The following PRKN variants were observed in gnomAD, a reference collection of about 807,000 sequenced individuals.
The protein encoded by PRKN is E3 ubiquitin-protein ligase parkin.
In PRKN, 56 loss-of-function variants were observed where a neutral mutation model predicts 59.5. The observed-to-expected ratio is 0.94, with a 90% CI of 0.76 to 1.18. The LOEUF (loss-of-function observed/expected upper bound fraction) is 1.18. PRKN is among the 50% of genes most tolerant of loss of function. PRKN has a pLI of 0.00. For missense variants in PRKN, 657 were observed against 596.4 expected (o/e 1.10, Z -1.06); for synonymous variants, 250 against 222.1 (o/e 1.13, Z -1.12).
intron 5 of PRKN, among the ~76,000 whole-genome samples, chr6:162,012,765 T>C (rs1454292406): frequency 6.6e-6 from 1 of 152,102 alleles, no homozygotes; most frequent in East Asian, 1.9e-4. Flanking sequence ...AGTCCCTCAA[T>C]CTCTCTCTCA....
At position 162,640,971 on chromosome 6, in the gene PRKN, A is replaced by T. The variant is rs138979010; in HGVS notation, c.7+86691T>A. 1.1e-3 allele frequency among the ~76,000 whole-genome samples: 173 copies of T among 152,300 alleles called. 2 individuals carry two copies. The highest frequency in any genetic ancestry group is 3.4e-3 in the Middle Eastern group (1 of 294). Reference sequence around the variant, plus strand: ...GAACAGTATTATCACAGCAGGCAAGAGTAAATTTCTTTTTTGGGATAGAGG... The same window carrying T: ...GAACAGTATTATCACAGCAGGCAAGTGTAAATTTCTTTTTTGGGATAGAGG... On this transcript the variant is annotated intron_variant, in intron 1 of 11. Coordinates refer to ENST00000366898, the MANE Select transcript of PRKN (RefSeq NM_004562.3).
At chr6:162,315,995 CAA>C (rs937164721) in intron 2 of PRKN, among the ~76,000 whole-genome samples, 8 of 151,216 alleles carry the variant, frequency 5.3e-5, no homozygotes, top group Non-Finnish European at 8.9e-5. Context: ...AGGCAGCTAA[CAA>C]AGAGGGCACA....
intron 2 of PRKN, among the ~76,000 whole-genome samples, chr6:162,387,903 G>A (rs778126333): frequency 7.2e-5 from 11 of 152,180 alleles, no homozygotes; most frequent in Admixed American, 3.3e-4. Context: ...TCCAACCAGC[G>A]CTGTCTGTGC....
chr6:162,519,295 C>T (rs907349223), intron 1 of PRKN, among the ~76,000 whole-genome samples: 1 of 152,096 alleles, frequency 6.6e-6, no homozygotes, highest in Non-Finnish European at 1.5e-5. Context: ...GTACAGATGC[C>T]AGCGAATTAA....
chr6:162,712,341 A>C (rs933706380), intron 1 of PRKN, among the ~76,000 whole-genome samples: 1 of 152,162 alleles, frequency 6.6e-6, no homozygotes, highest in Non-Finnish European at 1.5e-5. Context: ...TGATAACCTT[A>C]AATAATGAAG....
At chr6:161,406,615 A>C (rs1787289961) in intron 9 of PRKN, among the ~76,000 whole-genome samples, 1 of 152,148 alleles carries the variant, frequency 6.6e-6, no homozygotes, top group African/African-American at 2.4e-5. Context: ...GCCCGAAGGA[A>C]ATATGTTTTG....
At chr6:162,490,793 G>A (rs886586651) in intron 1 of PRKN, among the ~76,000 whole-genome samples, 4 of 152,186 alleles carry the variant, frequency 2.6e-5, no homozygotes, top group African/African-American at 4.8e-5. Flanking sequence ...AGCGTTGAGA[G>A]CAGCATCCAG....
intron 7 of PRKN, among the ~76,000 whole-genome samples, chr6:161,720,277 G>T (rs2128185038): frequency 6.6e-6 from 1 of 152,266 alleles, no homozygotes; most frequent in East Asian, 1.9e-4. Context: ...TGACGTGAAG[G>T]TCTTCATGTG....
At chr6:161,807,077 T>C (rs1271756561) in intron 6 of PRKN, among the ~76,000 whole-genome samples, 2 of 152,214 alleles carry the variant, frequency 1.3e-5, no homozygotes, top group Non-Finnish European at 2.9e-5. Flanking sequence ...GTACTAAAAA[T>C]GATTTCATGT....
chr6:162,322,874 T>C (rs1046865665), intron 2 of PRKN, among the ~76,000 whole-genome samples: 2 of 151,928 alleles, frequency 1.3e-5, no homozygotes, highest in African/African-American at 4.8e-5. Flanking sequence ...ATATATACCA[T>C]GGAATACTAT....
intron 4 of PRKN, among the ~76,000 whole-genome samples, chr6:162,081,734 T>A (rs1779070336): frequency 6.6e-6 from 1 of 152,112 alleles, no homozygotes; most frequent in African/African-American, 2.4e-5. Flanking sequence ...AGTCAGCCTG[T>A]TCTTTGAAGC....
At chr6:162,607,021 T>C (rs1045838638) in intron 1 of PRKN, among the ~76,000 whole-genome samples, 1 of 152,038 alleles carries the variant, frequency 6.6e-6, no homozygotes, top group Non-Finnish European at 1.5e-5. Context: ...CCCGGTTATT[T>C]ATTGAAACAA....
intron 6 of PRKN, among the ~76,000 whole-genome samples, chr6:161,847,929 G>A (rs559694778): frequency 2.6e-5 from 4 of 152,192 alleles, no homozygotes; most frequent in African/African-American, 9.7e-5. Context: ...GAAGGCTGGT[G>A]CTCTGCACAC....
intron 6 of PRKN, among the ~76,000 whole-genome samples, chr6:161,904,634 C>T (rs1158960422): frequency 6.6e-6 from 1 of 152,062 alleles, no homozygotes; most frequent in African/African-American, 2.4e-5. Flanking sequence ...TTTTTAAAAA[C>T]ACATTCCCTG....
chr6:161,746,850 A>C (rs1158623864), intron 7 of PRKN, among the ~76,000 whole-genome samples: 1 of 149,336 alleles, frequency 6.7e-6, no homozygotes, highest in Non-Finnish European at 1.5e-5. Flanking sequence ...ATCTATATGT[A>C]TGTATCTATA....
At chr6:162,624,621 T>C (rs1010964891) in intron 1 of PRKN, 8 of 152,236 alleles carry the variant, frequency 5.3e-5, no homozygotes, top group Non-Finnish European at 8.8e-5. Flanking sequence ...CTTAGCTGCA[T>C]CTTAAAAGAC....
chr6:161,762,550 T>C (rs1295422173), intron 7 of PRKN, among the ~76,000 whole-genome samples: 5 of 152,230 alleles, frequency 3.3e-5, no homozygotes, highest in Admixed American at 6.5e-5. Flanking sequence ...TAATATTGTA[T>C]CCACTGAACG....
At chr6:161,708,040 T>G (rs555243877) in intron 7 of PRKN, among the ~76,000 whole-genome samples, 3 of 152,306 alleles carry the variant, frequency 2.0e-5, no homozygotes, top group African/African-American at 7.2e-5. Flanking sequence ...AATGATATAA[T>G]AGTTTTAGTG....
intron 7 of PRKN, among the ~76,000 whole-genome samples, chr6:161,618,969 AGC>A (rs1782792225): frequency 6.6e-6 from 1 of 152,164 alleles, no homozygotes; most frequent in Admixed American, 6.5e-5. Flanking sequence ...GTTCTGGTGA[AGC>A]AGAAGTGATA....
Sources: gnomAD v4.1 joint callset for allele counts (sites outside exome capture counted in the v4.1 genomes callset) on GRCh38, gnomAD v4.1.1 for gene constraint, MANE v1.5 for transcripts, NCBI Gene and HGNC (gene_info 2026-07-23, HGNC 2026-07-21) for gene names.